Variants in MMS22L observed in about 807,000 individuals in gnomAD.
The protein encoded by MMS22L is MMS22 like, DNA repair protein, also known as protein MMS22-like.
In MMS22L, 74 loss-of-function variants were observed where a neutral mutation model predicts 159.1. The ratio of observed to expected loss-of-function variants is 0.47; its 90% CI spans 0.39 to 0.56. The LOEUF is 0.56. MMS22L is among the 20% of genes least tolerant of loss of function. The probability of loss-of-function intolerance (pLI) is 0.00; values close to 1 mark genes in which losing one functional copy is unlikely to be tolerated. For synonymous variants in MMS22L, 517 were observed against 506.9 expected (o/e 1.02, Z -0.27); for missense variants, 1,351 against 1,422.1 (o/e 0.95, Z 0.80).
chr6:97,230,286 G>A (rs1177850587), intron 13 of MMS22L: 1 of 128,778 alleles, frequency 7.8e-6, no homozygotes, highest in Non-Finnish European at 1.6e-5. Context: ...TTTTTTTTTA[G>A]TAGAGACAGA....
chr6:97,212,050 A>G (rs1349084461), intron 14 of MMS22L, among the ~76,000 whole-genome samples: 1 of 152,166 alleles, frequency 6.6e-6, no homozygotes. Flanking sequence ...GTGACATGGA[A>G]GTTTTAAGAA....
chr6:97,192,407 A>C (rs912322824), intron 14 of MMS22L, among the ~76,000 whole-genome samples: 1 of 152,128 alleles, frequency 6.6e-6, no homozygotes, highest in Admixed American at 6.5e-5. Context: ...CTGGAAAACT[A>C]CTAAGCCTCA....
At chr6:97,242,729 C>A (rs1422953227) in intron 11 of MMS22L, among the ~76,000 whole-genome samples, 1 of 152,100 alleles carries the variant, frequency 6.6e-6, no homozygotes, top group Non-Finnish European at 1.5e-5. Context: ...TTTTGAGGTT[C>A]AAGATTTAGG....
intron 9 of MMS22L, among the ~76,000 whole-genome samples, chr6:97,257,387 A>G (rs942496921): frequency 6.6e-6 from 1 of 152,194 alleles, no homozygotes; most frequent in African/African-American, 2.4e-5. Context: ...TCCTCAGACT[A>G]TACCACTCAT....
intron 14 of MMS22L, among the ~76,000 whole-genome samples, chr6:97,207,556 T>C (rs1409883591): frequency 6.6e-6 from 1 of 152,214 alleles, no homozygotes; most frequent in Admixed American, 6.5e-5. Flanking sequence ...AAGGGCTCAC[T>C]TGAGGCTCTC....
chr6:97,213,057 G>C (rs774196362), intron 14 of MMS22L, among the ~76,000 whole-genome samples: 1 of 152,016 alleles, frequency 6.6e-6, no homozygotes, highest in Non-Finnish European at 1.5e-5. Context: ...GTGTGTGTGC[G>C]TGTGTGTGTG....
intron 10 of MMS22L, among the ~76,000 whole-genome samples, chr6:97,250,359 A>G (rs1002734051): frequency 1.1e-4 from 16 of 152,166 alleles, no homozygotes; most frequent in African/African-American, 3.6e-4. Flanking sequence ...TTAAGGTTAC[A>G]TTTCACACTT....
At position 97,282,563 on chromosome 6, in the gene MMS22L, G is replaced by A; in HGVS notation, c.-76-10C>T. On this transcript the variant is annotated splice_polypyrimidine_tract_variant and intron_variant, in intron 1 of 24. Coordinates refer to ENST00000683635, the MANE Select transcript of MMS22L (RefSeq NM_001350599.2). ...AGGTGTGAAGAGATTCCTGTTGGGG[G>A]GGGGGGGGTGGGGCCGAGAGAGTGG... is the stretch of plus-strand genomic sequence containing the variant. 7.1e-6 allele frequency: 1 copy of A among 140,682 alleles called. No individual in the cohort carries two copies. The highest frequency in any genetic ancestry group is 1.7e-4 in the East Asian group (1 of 5,830). The allele number at this position is 140,682 out of a possible 1,614,324, so 8.7% of individuals were successfully genotyped here.
chr6:97,281,459 A>T, intron 2 of MMS22L, 97 bp from the exon 3 acceptor site: 1 of 1,020,896 alleles, frequency 9.8e-7, no homozygotes, highest in Non-Finnish European at 1.4e-6. Context: ...ATTATACATG[A>T]CATGTATAAA....
At chr6:97,279,767 C>T (rs1397727234) in intron 3 of MMS22L, among the ~76,000 whole-genome samples, 1 of 145,144 alleles carries the variant, frequency 6.9e-6, no homozygotes, top group African/African-American at 2.6e-5. Flanking sequence ...GCCAGGGTGA[C>T]AGTGTGAGAC....
At chr6:97,195,562 T>A in intron 14 of MMS22L, among the ~76,000 whole-genome samples, 1 of 152,278 alleles carries the variant, frequency 6.6e-6, no homozygotes, top group African/African-American at 2.4e-5. Context: ...ATTTGTTCAG[T>A]CATATGTTTT....
In MMS22L at chr6:97,248,482, T is replaced by C. The variant is rs111876896; in HGVS notation, c.1120-1792A>G. On this transcript the variant is annotated intron_variant, in intron 10 of 24. Coordinates refer to ENST00000683635, the MANE Select transcript of MMS22L (RefSeq NM_001350599.2). ...ATGATTTAGTTATTTTTAGCAAAAT[T>C]GTTGACTTTTTGACATACACAAATA... 7.2e-3 allele frequency among the ~76,000 whole-genome samples: 1,101 copies of C among 152,302 alleles called. 15 individuals are homozygous for C. Among genetic ancestry groups the C allele is most frequent in the African/African-American group, 0.025 (1,028 of 41,546 alleles).
chr6:97,185,028 T>C (rs1399023338), intron 15 of MMS22L, among the ~76,000 whole-genome samples: 1 of 152,192 alleles, frequency 6.6e-6, no homozygotes, highest in East Asian at 1.9e-4. Context: ...AGACATGTTC[T>C]TGCCTTCAGA....
chr6:97,168,343 A>G (rs1411057874), intron 19 of MMS22L, 103 bp from the exon 20 acceptor site: 1 of 960,016 alleles, frequency 1.0e-6, no homozygotes, highest in Non-Finnish European at 1.6e-6. Context: ...GGACCAAATT[A>G]AAGTAGGGAA....
At chr6:97,253,777 T>A (rs1216017217) in intron 10 of MMS22L, 2 of 152,184 alleles carry the variant, frequency 1.3e-5, no homozygotes, top group Non-Finnish European at 2.9e-5. Flanking sequence ...CTGGATTTTT[T>A]AAAACTCACA....
At chr6:97,216,231 A>T (rs1405076122) in intron 14 of MMS22L, among the ~76,000 whole-genome samples, 3 of 152,194 alleles carry the variant, frequency 2.0e-5, no homozygotes, top group Admixed American at 6.5e-5. Flanking sequence ...AGATGGTGAG[A>T]ATAGCTAGAA....
At chr6:97,238,358 T>A (rs1245822094) in intron 11 of MMS22L, among the ~76,000 whole-genome samples, 1 of 152,230 alleles carries the variant, frequency 6.6e-6, no homozygotes, top group Non-Finnish European at 1.5e-5. Context: ...TTCCTTAAGA[T>A]GATACATATC....
At chr6:97,263,227 T>A in intron 9 of MMS22L, 108 bp downstream of exon 9, 2 of 680,092 alleles carry the variant, frequency 2.9e-6, no homozygotes. Flanking sequence ...GTGGTTATTA[T>A]TGCCTTATTA....
At chr6:97,207,706 C>T (rs1057388507) in intron 14 of MMS22L, among the ~76,000 whole-genome samples, 11 of 152,104 alleles carry the variant, frequency 7.2e-5, no homozygotes, top group African/African-American at 2.7e-4. Context: ...CTTCTCTTAA[C>T]TGAAGAGACA....
Sources: allele counts gnomAD v4.1 joint callset (sites outside exome capture counted in the v4.1 genomes callset), GRCh38; gene constraint gnomAD v4.1.1; transcripts MANE v1.5; gene names NCBI Gene and HGNC (gene_info 2026-07-23, HGNC 2026-07-21).